The following GRIK1 variants were observed in gnomAD, a reference collection of about 807,000 sequenced individuals.
The protein encoded by GRIK1 is glutamate receptor ionotropic, kainate 1.
A neutral mutation model predicts 105.7 loss-of-function variants in GRIK1; 69 were observed. The observed-to-expected ratio is 0.65, with a 90% CI of 0.54 to 0.80. The LOEUF (loss-of-function observed/expected upper bound fraction) is 0.80, where lower values mean the gene tolerates loss of function less well. Ranked by LOEUF, GRIK1 falls within the 30% of genes least tolerant of loss-of-function variation. The pLI, the probability that GRIK1 is intolerant of heterozygous loss-of-function variation, is 0.00. For missense variants in GRIK1, 1,109 were observed against 1,167.3 expected (o/e 0.95, Z 0.73); for synonymous variants, 438 against 431.3 (o/e 1.02, Z -0.19).
chr21:29,714,839 A>C (rs2064140669), intron 1 of GRIK1, among the ~76,000 whole-genome samples: 1 of 152,140 alleles, frequency 6.6e-6, no homozygotes. Flanking sequence ...TAACTTACTA[A>C]ATGGGGATGA....
At chr21:29,868,678 T>G (rs1364526375) in intron 1 of GRIK1, among the ~76,000 whole-genome samples, 1 of 152,208 alleles carries the variant, frequency 6.6e-6, no homozygotes, top group Non-Finnish European at 1.5e-5. Flanking sequence ...CATCTTCGCC[T>G]GTCTTTCTTT....
At chr21:29,693,158 A>G (rs1212252068) in intron 2 of GRIK1, among the ~76,000 whole-genome samples, 1 of 152,158 alleles carries the variant, frequency 6.6e-6, no homozygotes, top group Non-Finnish European at 1.5e-5. Context: ...CCACATAAAC[A>G]CATTTATTTA....
At chr21:29,812,859 G>A (rs113676010) in intron 1 of GRIK1, among the ~76,000 whole-genome samples, 6,417 of 152,188 alleles carry the variant, frequency 0.042, 196 homozygotes, top group Non-Finnish European at 0.065. Context: ...GCAATATTTC[G>A]GTTGATGCAT....
At chr21:29,578,061 A>G (rs942213756) in intron 13 of GRIK1, among the ~76,000 whole-genome samples, 5 of 152,288 alleles carry the variant, frequency 3.3e-5, no homozygotes, top group Non-Finnish European at 5.9e-5. Context: ...GTCTAGTTCA[A>G]TTTTGCTCAA....
At chr21:29,605,913 C>T (rs980950753) in intron 7 of GRIK1, among the ~76,000 whole-genome samples, 1 of 150,868 alleles carries the variant, frequency 6.6e-6, no homozygotes, top group Non-Finnish European at 1.5e-5. Flanking sequence ...AGGCTCATGG[C>T]AAACTCAAGG....
chr21:29,859,411 AT>A (rs1449597933), intron 1 of GRIK1, among the ~76,000 whole-genome samples: 1 of 151,940 alleles, frequency 6.6e-6, no homozygotes, highest in Non-Finnish European at 1.5e-5. Flanking sequence ...ACAAAAAAAA[AT>A]AAATTGTAAG....
chr21:29,667,112 A>G (rs2063074433), intron 4 of GRIK1, among the ~76,000 whole-genome samples: 1 of 152,220 alleles, frequency 6.6e-6, no homozygotes, highest in Non-Finnish European at 1.5e-5. Context: ...GATGAAAAAA[A>G]TGATTGACTT....
At chr21:29,818,986 C>T (rs768682634) in intron 1 of GRIK1, among the ~76,000 whole-genome samples, 1 of 152,068 alleles carries the variant, frequency 6.6e-6, no homozygotes, top group Non-Finnish European at 1.5e-5. Flanking sequence ...CTCTCCTTAA[C>T]TGGCCCTAAT....
At chr21:29,543,757 GAAAT>G (rs2090007991) in intron 16 of GRIK1, among the ~76,000 whole-genome samples, 1 of 152,214 alleles carries the variant, frequency 6.6e-6, no homozygotes, top group African/African-American at 2.4e-5. Context: ...TCTAGCCACT[GAAAT>G]AAAATGTACA....
chr21:29,719,196 A>G (rs1273909541), intron 1 of GRIK1, among the ~76,000 whole-genome samples: 1 of 150,994 alleles, frequency 6.6e-6, no homozygotes, highest in Non-Finnish European at 1.5e-5. Flanking sequence ...AATTTTATCT[A>G]GAAAAAATAT....
chr21:29,623,573 C>T (rs2062056114), intron 7 of GRIK1, among the ~76,000 whole-genome samples: 1 of 152,036 alleles, frequency 6.6e-6, no homozygotes, highest in Non-Finnish European at 1.5e-5. Context: ...ATTTTATCTT[C>T]CTTTACTTCT....
intron 1 of GRIK1, among the ~76,000 whole-genome samples, chr21:29,704,247 G>A (rs1180538742): frequency 2.0e-5 from 3 of 152,226 alleles, no homozygotes; most frequent in Middle Eastern, 3.4e-3. Context: ...AGTCTTTTGG[G>A]ATATACTGCA....
chr21:29,586,691 C>A (rs1568851446), intron 12 of GRIK1, among the ~76,000 whole-genome samples: 1 of 152,070 alleles, frequency 6.6e-6, no homozygotes, highest in Non-Finnish European at 1.5e-5. Flanking sequence ...GTATAAAAAT[C>A]CTTTAAGGAA....
At chr21:29,708,479 A>T (rs552021549) in intron 1 of GRIK1, among the ~76,000 whole-genome samples, 2 of 152,236 alleles carry the variant, frequency 1.3e-5, no homozygotes, top group Non-Finnish European at 2.9e-5. Context: ...TTCCTGAAAC[A>T]TGAAGCATTC....
chr21:29,756,708 C>CAAA (rs963408492), intron 1 of GRIK1, among the ~76,000 whole-genome samples: 1 of 151,112 alleles, frequency 6.6e-6, no homozygotes, highest in African/African-American at 2.4e-5. Flanking sequence ...AACAAAAAAA[C>CAAA]AAAAAAAACT....
chr21:29,778,196 A>G (rs1468608426), intron 1 of GRIK1, among the ~76,000 whole-genome samples: 1 of 152,176 alleles, frequency 6.6e-6, no homozygotes, highest in Non-Finnish European at 1.5e-5. Flanking sequence ...CAGATCTCTA[A>G]GCACACAACT....
At chr21:29,742,424 A>T (rs370392835) in intron 1 of GRIK1, among the ~76,000 whole-genome samples, 1 of 152,202 alleles carries the variant, frequency 6.6e-6, no homozygotes, top group South Asian at 2.1e-4. Context: ...CATTTCCTGG[A>T]CCCAGAACAA....
chr21:29,841,954 T>G (rs774570162), intron 1 of GRIK1, among the ~76,000 whole-genome samples: 1 of 152,188 alleles, frequency 6.6e-6, no homozygotes, highest in Non-Finnish European at 1.5e-5. Context: ...GTGCAACTCT[T>G]CTTTGACTTA....
chr21:29,871,189 G>A (rs1420623220), intron 1 of GRIK1, among the ~76,000 whole-genome samples: 1 of 152,180 alleles, frequency 6.6e-6, no homozygotes, highest in African/African-American at 2.4e-5. Context: ...AGAGGGCAGG[G>A]ATTGCATCCT....
Sources: gnomAD v4.1 joint callset for allele counts (sites outside exome capture counted in the v4.1 genomes callset) on GRCh38, gnomAD v4.1.1 for gene constraint, MANE v1.5 for transcripts, NCBI Gene and HGNC (gene_info 2026-07-23, HGNC 2026-07-21) for gene names.